Variants in NUBP1 observed in about 807,000 individuals in gnomAD.
NUBP1 encodes cytosolic Fe-S cluster assembly factor NUBP1.
A neutral mutation model predicts 41.8 loss-of-function variants in NUBP1; 46 were observed. The observed-to-expected ratio is 1.10, with a 90% CI of 0.87 to 1.41. The LOEUF is 1.41. Ranked by LOEUF, NUBP1 falls within the 40% of genes most tolerant of loss-of-function variation. NUBP1 has a pLI of 0.00. For synonymous variants in NUBP1, 189 were observed against 154.6 expected, an observed-to-expected ratio of 1.22 and a Z score of -1.65; for missense variants, 494 against 414.0, an observed-to-expected ratio of 1.19 and a Z score of -1.68.
chr16:10,769,024 A>G, intron 10 of NUBP1, 23 bp from the exon 11 acceptor site: 1 of 1,613,042 alleles, frequency 6.2e-7, no homozygotes, highest in Non-Finnish European at 8.5e-7. Context: ...TTAGCACTCT[A>G]TGCCTGTCGT....
intron 7 of NUBP1, among the ~76,000 whole-genome samples, chr16:10,758,639 T>A (rs1900734838): frequency 6.6e-6 from 1 of 152,156 alleles, no homozygotes; most frequent in Non-Finnish European, 1.5e-5. Context: ...CAGTTATAAT[T>A]CATACTGTGC....
chr16:10,762,104 G>A (rs553616318), intron 9 of NUBP1: 3 of 400,136 alleles, frequency 7.5e-6, no homozygotes, highest in African/African-American at 6.0e-5. Flanking sequence ...GAAGAATGGG[G>A]TAGAGGTTGG....
rs771665228 is a variant in NUBP1 at position 10,761,439 on chromosome 16, G to C, written c.682G>C (p.Glu228Gln). 3 of 1,614,120 alleles carry C rather than the reference G, an allele frequency of 1.9e-6. No homozygotes were observed. The highest frequency in any genetic ancestry group is 8.5e-7 in the Non-Finnish European group (1 of 1,179,992). Residue 228 changes from glutamate (E) to glutamine (Q), a missense_variant, in exon 8 of 11, where the codon GAG (glutamate) becomes CAG (glutamine). By Grantham distance (29) the Glu-to-Gln change is conservative. Coordinates refer to ENST00000283027, the MANE Select transcript of NUBP1 (RefSeq NM_002484.4). ...KVKLPIIGVV[E>Q]NMSGFICPKC... ...GAAGCTGCCCATCATCGGGGTGGTG[G>C]AGAACATGAGTGGCTTCATCTGTCC... is the stretch of plus-strand genomic sequence containing the variant.
At position 10,769,153 on chromosome 16, in the gene NUBP1, T is replaced by C. The variant is rs1481605048; in HGVS notation, c.*48T>C. On this transcript the variant is annotated 3_prime_UTR_variant, in exon 11 of 11. Coordinates refer to ENST00000283027, the MANE Select transcript of NUBP1 (RefSeq NM_002484.4). ...AGCAGTTACCGAGCGAGGCACTCAC[T>C]GGGCAGCACATCCAGCCAGACCCGA... 1 of 1,576,194 alleles carries C rather than the reference T, an allele frequency of 6.3e-7. No individual in the cohort carries two copies. The highest frequency in any genetic ancestry group is 8.7e-7 in the Non-Finnish European group (1 of 1,146,088).
intron 5 of NUBP1, 107 bp from the exon 6 acceptor site, chr16:10,756,583 C>T (rs1327730915): frequency 2.5e-5 from 18 of 708,186 alleles, no homozygotes; most frequent in Admixed American, 3.6e-5. Context: ...TAGTTTTGTC[C>T]TGAAAATGTT....
intron 3 of NUBP1, among the ~76,000 whole-genome samples, chr16:10,750,321 T>C (rs1366086629): frequency 6.6e-6 from 1 of 152,224 alleles, no homozygotes; most frequent in African/African-American, 2.4e-5. Context: ...CTCAGCTCAC[T>C]GCAACCTCCA....
chr16:10,769,196 T>C lies in NUBP1; in HGVS notation c.*91T>C, dbSNP rs1243201372. ...AGACCCGACCAGCTCCGGGATGGGG[T>C]GGGTCACAGCAAAAGGACCAGATGC... On this transcript the variant is annotated 3_prime_UTR_variant, in exon 11 of 11. Transcript: ENST00000283027. 5.1e-6 allele frequency: 6 copies of C among 1,183,270 alleles called. No individual in the cohort carries two copies. The African/African-American group carries it at 7.7e-5, about 15-fold the overall frequency. The allele number at this position is 1,183,270 out of a possible 1,614,324, so 73.3% of individuals were successfully genotyped here.
In NUBP1 at chr16:10,768,879, G is replaced by A. The variant is rs1319412006; in HGVS notation, c.905-168G>A. The A allele has an allele frequency of 6.6e-6, 4 of 603,942 alleles. No individual in the cohort carries two copies. The East Asian group carries it at 1.1e-4, about 17-fold the overall frequency. The allele number at this position is 603,942 out of a possible 1,614,324, so 37.4% of individuals were successfully genotyped here. ...TTATGAGCAAGATGGGTAGTGTGAG[G>A]TATTCCGGTCACTTTCAAAGACTCA... is the stretch of plus-strand genomic sequence containing the variant. On this transcript the variant is annotated intron_variant, in intron 10 of 10. Coordinates refer to ENST00000283027, the MANE Select transcript of NUBP1 (RefSeq NM_002484.4). The surrounding 1 kb of genome is among the most constrained non-coding windows in gnomAD (Gnocchi z 4.3).
At chr16:10,755,600 G>A (rs766032378) in intron 4 of NUBP1, 121 bp from the exon 5 acceptor site, 2 of 1,056,810 alleles carry the variant, frequency 1.9e-6, no homozygotes, top group African/African-American at 3.1e-5. Context: ...GTGGTACCAT[G>A]TAAGACAATG....
chr16:10,752,539 C>T (rs934566215), intron 3 of NUBP1, 71 bp from the exon 4 acceptor site: 17 of 1,249,016 alleles, frequency 1.4e-5, no homozygotes, highest in Non-Finnish European at 1.8e-5. Context: ...ACCCCGCTCC[C>T]CTCCTAGTTG....
At position 10,744,000 on chromosome 16, in the gene NUBP1, C is replaced by T; in HGVS notation, c.59C>T (p.Ala20Val). The change falls in exon 2 of 11, where the codon GCT becomes GTT. Residue 20 changes from alanine to valine, a missense_variant. Ala to Val is a moderately conservative substitution (Grantham distance 64). Transcript: ENST00000283027. ...GADSAQAGRG[A>V]SCQGCPNQRL... ...GACAGCGCCCAGGCGGGCAGAGGGGCTTCATGTCAGGGATGCCCCAACCAG... is the reference window on the plus strand; with the variant it reads ...GACAGCGCCCAGGCGGGCAGAGGGGTTTCATGTCAGGGATGCCCCAACCAG... 1 of 1,582,170 alleles carries T rather than the reference C, an allele frequency of 6.3e-7. No homozygotes were observed. The highest frequency in any genetic ancestry group is 8.5e-7 in the Non-Finnish European group (1 of 1,169,870).
chr16:10,766,833 A>C lies in NUBP1; in HGVS notation c.821-1116A>C. On this transcript the variant is annotated intron_variant, in intron 9 of 10. Transcript: ENST00000283027. This position sits in a 1 kb window ranked among gnomAD's most constrained non-coding sequence, Gnocchi z 4.8. Reference sequence around the variant, plus strand: ...CGCCCTATATAAACGAAAAGGATGAAGTAAAGTTACAAAGTCATTTACGGC... The same window carrying C: ...CGCCCTATATAAACGAAAAGGATGACGTAAAGTTACAAAGTCATTTACGGC... 2 of 397,940 alleles carry C rather than the reference A, an allele frequency of 5.0e-6. No homozygotes were observed. Among genetic ancestry groups the C allele is most frequent in the Non-Finnish European group, 8.8e-6 (2 of 226,034 alleles). The allele number at this position is 397,940 out of a possible 1,614,324, so 24.7% of individuals were successfully genotyped here.
intron 8 of NUBP1, 137 bp from the exon 9 acceptor site, chr16:10,761,620 A>G (rs1280159154): frequency 1.4e-5 from 14 of 979,656 alleles, no homozygotes; most frequent in African/African-American, 5.0e-5. Flanking sequence ...TGCTGACTAA[A>G]GGAAAGTTCT....
rs1222221067 is a variant in NUBP1 at position 10,759,312 on chromosome 16, G to A, written c.606+1285G>A. ...AAGGGTGTCCGGGTCAGAAAATGGT[G>A]CAAGATTCATGTCCACCCTGGCATC... On this transcript the variant is annotated intron_variant, in intron 7 of 10. Coordinates refer to ENST00000283027, the MANE Select transcript of NUBP1 (RefSeq NM_002484.4). The surrounding 1 kb of genome is among the most constrained non-coding windows in gnomAD (Gnocchi z 4.7). 6.6e-6 allele frequency among the ~76,000 whole-genome samples: 1 copy of A among 152,190 alleles called. No individual in the cohort carries two copies. Among genetic ancestry groups the A allele is most frequent in the East Asian group, 1.9e-4 (1 of 5,192 alleles).
At chr16:10,761,885 A>T in intron 9 of NUBP1, 26 bp downstream of exon 9, 1 of 1,560,184 alleles carries the variant, frequency 6.4e-7, no homozygotes, top group Non-Finnish European at 8.8e-7. Context: ...GTGGGGCGGC[A>T]CCTCACTCCT....
chr16:10,762,309 G>T (rs1028848311), intron 9 of NUBP1, among the ~76,000 whole-genome samples: 1 of 152,182 alleles, frequency 6.6e-6, no homozygotes, highest in Non-Finnish European at 1.5e-5. Context: ...GGGACAGACC[G>T]GAACGCGGAT....
In NUBP1 at chr16:10,767,258, G is replaced by T. The variant is rs1017168783; in HGVS notation, c.821-691G>T. ...CCCCCATTGACCCCTAGCCCCTTGT[G>T]TCCTGTCCACCTGGCTCTGGGATAA... On this transcript the variant is annotated intron_variant, in intron 9 of 10. Coordinates refer to ENST00000283027, the MANE Select transcript of NUBP1 (RefSeq NM_002484.4). The surrounding 1 kb of genome is among the most constrained non-coding windows in gnomAD (Gnocchi z 4.6). The T allele has an allele frequency of 5.0e-5, 20 of 399,120 alleles. 1 individual carries two copies. The highest frequency in any genetic ancestry group is 4.1e-4 in the African/African-American group (20 of 48,638). 24.7% of individuals were successfully genotyped at this position (399,120 alleles called of 1,614,324 possible). A position where few individuals can be genotyped will look rare whatever the true frequency, so the allele number is the denominator to read the frequency against.
At chr16:10,746,118 G>A (rs1001500602) in intron 2 of NUBP1, among the ~76,000 whole-genome samples, 1 of 152,236 alleles carries the variant, frequency 6.6e-6, no homozygotes, top group Non-Finnish European at 1.5e-5. Flanking sequence ...ACACAAGGTT[G>A]GGAAGTAACA....
intron 9 of NUBP1, chr16:10,763,925 TGGGAGCATCCCAGCCCAA>T: frequency 6.1e-6 from 1 of 162,626 alleles, no homozygotes; most frequent in Non-Finnish European, 1.3e-5. Flanking sequence ...TCTCAGCCCA[TGGGAGCATCCCAGCCCAA>T]GGGAGTATCT....
Sources: allele counts gnomAD v4.1 joint callset (sites outside exome capture counted in the v4.1 genomes callset), GRCh38; gene constraint gnomAD v4.1.1; non-coding constraint Gnocchi (gnomAD v3.1); transcripts MANE v1.5; gene names NCBI Gene and HGNC (gene_info 2026-07-23, HGNC 2026-07-21).